Variants in NRG1 observed in about 807,000 individuals in gnomAD.
NRG1 encodes the protein neuregulin 1, also known as pro-neuregulin-1, membrane-bound isoform.
Under a neutral mutation model 63.8 loss-of-function variants are expected in NRG1, and 18 were observed. That is an observed-to-expected ratio of 0.28 (90% CI 0.19 to 0.42). The LOEUF (loss-of-function observed/expected upper bound fraction) is 0.42, where lower values mean the gene tolerates loss of function less well. NRG1 is among the 10% of genes least tolerant of loss of function. The probability of loss-of-function intolerance (pLI) is 1.00; values close to 1 mark genes in which losing one functional copy is unlikely to be tolerated. For synonymous variants in NRG1, 302 were observed against 301.3 expected (o/e 1.00, Z -0.02); for missense variants, 762 against 814.7 (o/e 0.94, Z 0.79).
intron 1 of NRG1, among the ~76,000 whole-genome samples, chr8:31,875,955 C>T (rs1467983782): frequency 6.6e-6 from 1 of 152,126 alleles, no homozygotes; most frequent in Non-Finnish European, 1.5e-5. Context: ...GGGAATCTGT[C>T]TCCTACTCAT....
At chr8:32,053,273 G>A (rs756954346) in intron 1 of NRG1, among the ~76,000 whole-genome samples, 17 of 152,122 alleles carry the variant, frequency 1.1e-4, no homozygotes, top group Non-Finnish European at 1.9e-4. Flanking sequence ...CACTTGCCAT[G>A]AGTCCTCAGG....
At chr8:31,907,698 G>T (rs1832640995) in intron 1 of NRG1, among the ~76,000 whole-genome samples, 1 of 152,044 alleles carries the variant, frequency 6.6e-6, no homozygotes, top group African/African-American at 2.4e-5. Context: ...TGTAATAGAA[G>T]ACTCTATAAT....
intron 1 of NRG1, among the ~76,000 whole-genome samples, chr8:31,694,642 T>C (rs73239816): frequency 0.14 from 22,032 of 152,164 alleles, 1,739 homozygotes; most frequent in Admixed American, 0.21. Flanking sequence ...CTTTTATGAC[T>C]GGGAACGTGT....
intron 1 of NRG1, among the ~76,000 whole-genome samples, chr8:32,345,080 T>G (rs1022948748): frequency 1.3e-5 from 2 of 152,180 alleles, no homozygotes; most frequent in Non-Finnish European, 2.9e-5. Context: ...GCAGGTGATG[T>G]AGACATCATT....
intron 1 of NRG1, among the ~76,000 whole-genome samples, chr8:31,856,565 C>T (rs985738352): frequency 1.3e-5 from 2 of 152,190 alleles, no homozygotes; most frequent in African/African-American, 4.8e-5. Context: ...TGAATGTCCT[C>T]CCGTAGCTCG....
intron 1 of NRG1, among the ~76,000 whole-genome samples, chr8:32,171,779 G>C (rs1398874864): frequency 6.6e-6 from 1 of 152,110 alleles, no homozygotes; most frequent in African/African-American, 2.4e-5. Flanking sequence ...CAAACTGCCA[G>C]GCGGCAGTGA....
intron 1 of NRG1, among the ~76,000 whole-genome samples, chr8:32,111,173 G>A (rs534154903): frequency 2.0e-5 from 3 of 152,008 alleles, no homozygotes; most frequent in South Asian, 2.1e-4. Context: ...CTGGAGTGCC[G>A]CGGTGTGCTC....
At chr8:31,687,006 G>A (rs1374421580) in intron 1 of NRG1, among the ~76,000 whole-genome samples, 1 of 151,976 alleles carries the variant, frequency 6.6e-6, no homozygotes, top group Non-Finnish European at 1.5e-5. Context: ...TGACCTCAAA[G>A]GATCTGCCAG....
chr8:32,312,158 T>G (rs1266102434), intron 1 of NRG1, among the ~76,000 whole-genome samples: 1 of 63,568 alleles, frequency 1.6e-5, no homozygotes, highest in East Asian at 3.1e-4. Flanking sequence ...ACCTTGTTTG[T>G]TTTTTTTTTT....
chr8:32,730,725 T>C (rs1466025198), intron 6 of NRG1, among the ~76,000 whole-genome samples: 1 of 152,196 alleles, frequency 6.6e-6, no homozygotes, highest in Non-Finnish European at 1.5e-5. Flanking sequence ...ACCAGGTTTT[T>C]AGTTTGTAAG....
intron 1 of NRG1, among the ~76,000 whole-genome samples, chr8:32,475,621 C>A (rs1824427935): frequency 6.6e-6 from 1 of 152,068 alleles, no homozygotes; most frequent in Non-Finnish European, 1.5e-5. Context: ...TAGCTCACTA[C>A]AGCCTCAAAC....
intron 1 of NRG1, among the ~76,000 whole-genome samples, chr8:32,274,858 T>C (rs1851923963): frequency 6.6e-6 from 1 of 152,054 alleles, no homozygotes; most frequent in African/African-American, 2.4e-5. Context: ...AATGTCTCTC[T>C]GGGAAAAAAA....
At chr8:32,750,023 G>T (rs974810579) in intron 7 of NRG1, 15 of 171,756 alleles carry the variant, frequency 8.7e-5, no homozygotes, top group African/African-American at 3.4e-4. Flanking sequence ...AGGATTTTTG[G>T]CATACAATGT....
chr8:31,639,287 C>T (rs1803501768), exon 1 of NRG1: 3 of 1,387,362 alleles, frequency 2.2e-6, no homozygotes, highest in East Asian at 2.5e-5. Flanking sequence ...CTGTTTGCCG[C>T]CCGTCCTCCC....
intron 1 of NRG1, among the ~76,000 whole-genome samples, chr8:32,177,387 G>C (rs1207629487): frequency 1.3e-5 from 2 of 151,808 alleles, no homozygotes. Context: ...TAAATGAGGA[G>C]TTAATGGGTG....
intron 1 of NRG1, among the ~76,000 whole-genome samples, chr8:32,207,658 C>T (rs1322438326): frequency 6.6e-6 from 1 of 152,076 alleles, no homozygotes; most frequent in East Asian, 1.9e-4. Flanking sequence ...TCCTGTAGTA[C>T]CAGTGGGCTA....
intron 1 of NRG1, among the ~76,000 whole-genome samples, chr8:32,527,603 C>G (rs1830996842): frequency 6.9e-6 from 1 of 144,050 alleles, no homozygotes; most frequent in Admixed American, 6.7e-5. Context: ...TTCAGTATAT[C>G]AGTATAACAA....
chr8:32,755,602 G>A (rs930636600), intron 8 of NRG1, among the ~76,000 whole-genome samples: 6 of 152,070 alleles, frequency 3.9e-5, no homozygotes, highest in South Asian at 2.1e-4. Context: ...GCCAAAATCC[G>A]CTGGCAAAAT....
chr8:31,928,983 C>G (rs1367951930), intron 1 of NRG1, among the ~76,000 whole-genome samples: 1 of 152,140 alleles, frequency 6.6e-6, no homozygotes, highest in East Asian at 1.9e-4. Flanking sequence ...CAATTCATCT[C>G]TGTAACCAGA....
Sources: gnomAD v4.1 joint callset for allele counts (sites outside exome capture counted in the v4.1 genomes callset) on GRCh38, gnomAD v4.1.1 for gene constraint, MANE v1.5 for transcripts, NCBI Gene and HGNC (gene_info 2026-07-23, HGNC 2026-07-21) for gene names.